IMMP2L: variants seen among roughly 807,000 people sequenced by gnomAD.
IMMP2L encodes the protein mitochondrial inner membrane protease subunit 2.
In IMMP2L, 18 loss-of-function variants were observed where a neutral mutation model predicts 19.3. That is an observed-to-expected ratio of 0.93 (90% CI 0.64 to 1.38). IMMP2L has a LOEUF of 1.38. Ranked by LOEUF, IMMP2L falls within the 40% of genes most tolerant of loss-of-function variation. IMMP2L has a pLI of 0.00. For synonymous variants in IMMP2L, 76 were observed against 73.0 expected (o/e 1.04, Z -0.21); for missense variants, 233 against 218.2 (o/e 1.07, Z -0.43).
At chr7:110,935,599 C>T (rs553905292) in intron 4 of IMMP2L, among the ~76,000 whole-genome samples, 1 of 152,150 alleles carries the variant, frequency 6.6e-6, no homozygotes, top group South Asian at 2.1e-4. Flanking sequence ...TGTTTTCCAT[C>T]TTGGTTCCAT....
chr7:110,754,137 TAA>T (rs1342155499), intron 5 of IMMP2L, among the ~76,000 whole-genome samples: 1 of 151,974 alleles, frequency 6.6e-6, no homozygotes, highest in African/African-American at 2.4e-5. Flanking sequence ...AGGCTGTCCT[TAA>T]AAATGGGTCA....
chr7:110,979,839 A>G (rs1275578277), intron 3 of IMMP2L, among the ~76,000 whole-genome samples: 3 of 152,170 alleles, frequency 2.0e-5, no homozygotes, highest in African/African-American at 7.2e-5. Flanking sequence ...GGAGTTCTCA[A>G]GTTAGATAAT....
chr7:111,329,580 C>G (rs1036776358), intron 3 of IMMP2L, among the ~76,000 whole-genome samples: 1 of 151,756 alleles, frequency 6.6e-6, no homozygotes, highest in African/African-American at 2.4e-5. Flanking sequence ...GCTCAGAACA[C>G]TGATAACAGA....
At chr7:111,122,641 CT>C (rs1800789246) in intron 3 of IMMP2L, 1 of 697,884 alleles carries the variant, frequency 1.4e-6, no homozygotes, top group Non-Finnish European at 2.4e-6. Context: ...TGAAGAAAAA[CT>C]TTGTGGTTCT....
At chr7:110,882,285 G>GTGCCTTCC (rs1554445641) in intron 5 of IMMP2L, among the ~76,000 whole-genome samples, 2 of 126,582 alleles carry the variant, frequency 1.6e-5, no homozygotes, top group East Asian at 4.5e-4. Flanking sequence ...TCTTTGTCAA[G>GTGCCTTCC]TGCCTTCCTT....
intron 3 of IMMP2L, among the ~76,000 whole-genome samples, chr7:111,017,015 T>C (rs1825775559): frequency 7.5e-6 from 1 of 134,018 alleles, no homozygotes; most frequent in Non-Finnish European, 1.5e-5. Flanking sequence ...ATAAACATTA[T>C]AGTCATTATA....
rs370814996 is a variant in IMMP2L at position 111,504,166 on chromosome 7, A to G, written c.136-16825T>C. Among the ~76,000 whole-genome samples the G allele has an allele frequency of 9.2e-5, 14 of 152,248 alleles. No individual in the cohort carries two copies. In the East Asian group the frequency reaches 1.2e-3, roughly 13 times the overall value. On this transcript the variant is annotated intron_variant, in intron 2 of 5. Transcript: ENST00000405709. ...ATGCACAAAAATCACAAGCATTCTT[A>G]TACACCAATAACAGACAAACAGAGA... is the stretch of plus-strand genomic sequence containing the variant.
intron 3 of IMMP2L, among the ~76,000 whole-genome samples, chr7:111,180,245 C>T (rs1188271589): frequency 6.6e-6 from 1 of 152,002 alleles, no homozygotes; most frequent in Non-Finnish European, 1.5e-5. Flanking sequence ...TTAATCATTT[C>T]TAGATTTTCA....
At chr7:111,391,738 T>C (rs1832370859) in intron 3 of IMMP2L, 2 of 587,700 alleles carry the variant, frequency 3.4e-6, no homozygotes, top group Middle Eastern at 2.7e-4. Context: ...TTCAGCCTTA[T>C]ACAATCAGAA....
At chr7:111,480,717 A>T (rs1842111081) in intron 3 of IMMP2L, among the ~76,000 whole-genome samples, 1 of 152,004 alleles carries the variant, frequency 6.6e-6, no homozygotes, top group African/African-American at 2.4e-5. Context: ...ATTAACTACA[A>T]ACTCAGAAAA....
At position 111,480,285 on chromosome 7, in the gene IMMP2L, G is replaced by A. The variant is rs187659636; in HGVS notation, c.239+6953C>T. On this transcript the variant is annotated intron_variant, in intron 3 of 5. Transcript: ENST00000405709. ...TTTTTAGTAGAGATGGGGTTTCACC[G>A]TAGCCAGGATGGTCTCCATCTCCTG... Among the ~76,000 whole-genome samples, 78 of 151,586 alleles carry A rather than the reference G, an allele frequency of 5.1e-4. 1 individual carries two copies. Among genetic ancestry groups the A allele is most frequent in the African/African-American group, 1.5e-3 (61 of 41,350 alleles).
At position 111,063,996 on chromosome 7, in the gene IMMP2L, T is replaced by C. The variant is rs1486723958; in HGVS notation, c.240-100431A>G. Among the ~76,000 whole-genome samples, 4 of 152,182 alleles carry C rather than the reference T, an allele frequency of 2.6e-5. No individual in the cohort carries two copies. The East Asian group carries it at 5.8e-4, about 22-fold the overall frequency. ...AAAGTCGCTTCCATATTTTCTAGTA[T>C]CTTTTCAGCAGCACCCCACTCTACT... On this transcript the variant is annotated intron_variant, in intron 3 of 5. Coordinates refer to ENST00000405709, the MANE Select transcript of IMMP2L (RefSeq NM_032549.4).
intron 3 of IMMP2L, among the ~76,000 whole-genome samples, chr7:110,999,607 TAAAA>T (rs150912208): frequency 7.6e-6 from 1 of 132,282 alleles, no homozygotes; most frequent in Non-Finnish European, 1.7e-5. Flanking sequence ...TTTCGATGAA[TAAAA>T]AAAAAAAAAA....
chr7:110,759,538 T>G (rs1798231235), intron 5 of IMMP2L, among the ~76,000 whole-genome samples: 1 of 152,144 alleles, frequency 6.6e-6, no homozygotes, highest in South Asian at 2.1e-4. Flanking sequence ...TTCTTATTAA[T>G]TCTAAGTATT....
chr7:111,418,692 C>G (rs1480277815), intron 3 of IMMP2L, among the ~76,000 whole-genome samples: 1 of 151,598 alleles, frequency 6.6e-6, no homozygotes, highest in Non-Finnish European at 1.5e-5. Context: ...ATATATTGAT[C>G]AAATCAAATG....
intron 5 of IMMP2L, among the ~76,000 whole-genome samples, chr7:110,884,083 T>C (rs1424953555): frequency 6.6e-6 from 1 of 152,050 alleles, no homozygotes; most frequent in Non-Finnish European, 1.5e-5. Context: ...AAATCACTAT[T>C]AGAAATGTCA....
intron 5 of IMMP2L, among the ~76,000 whole-genome samples, chr7:110,735,846 CAA>C (rs59078426): frequency 2.6e-3 from 123 of 47,618 alleles, no homozygotes; most frequent in African/African-American, 7.4e-3. Context: ...CACTCTGCCT[CAA>C]AAAAAAAAAA....
chr7:111,026,066 A>G (rs1826782158), intron 3 of IMMP2L, among the ~76,000 whole-genome samples: 1 of 152,100 alleles, frequency 6.6e-6, no homozygotes, highest in Non-Finnish European at 1.5e-5. Context: ...AAACAGAAGA[A>G]TTGTTTTAGT....
chr7:111,090,717 T>G (rs531216720), intron 3 of IMMP2L, among the ~76,000 whole-genome samples: 3 of 152,256 alleles, frequency 2.0e-5, no homozygotes, highest in African/African-American at 7.2e-5. Flanking sequence ...CTTCTCTTCT[T>G]AAATAATGCA....
Sources: gnomAD v4.1 joint callset for allele counts (sites outside exome capture counted in the v4.1 genomes callset) on GRCh38, gnomAD v4.1.1 for gene constraint, MANE v1.5 for transcripts, NCBI Gene and HGNC (gene_info 2026-07-23, HGNC 2026-07-21) for gene names.